CCDC201: variants seen among roughly 807,000 people sequenced by gnomAD.
CCDC201 encodes coiled-coil domain containing 201.
chr7:45,877,547 A>G (rs1216704874), upstream of CCDC201, among the ~76,000 whole-genome samples: 3 of 152,228 alleles, frequency 2.0e-5, no homozygotes, highest in Non-Finnish European at 1.5e-5. Context: ...TTACAATCAC[A>G]GCAGAAGGCA....
At chr7:45,881,443 C>T in the CCDC201 span, among the ~76,000 whole-genome samples, 21 of 152,324 alleles carry the variant, frequency 1.4e-4, no homozygotes, top group Middle Eastern at 3.4e-3. Context: ...TTCTCCTAGG[C>T]GGCTTGCCTA....
chr7:45,869,356 T>A (rs1368273781), intron 1 of CCDC201, among the ~76,000 whole-genome samples: 1 of 152,242 alleles, frequency 6.6e-6, no homozygotes, highest in African/African-American at 2.4e-5. Context: ...CAAACCCAGA[T>A]GGCTTATTGG....
At chr7:45,883,502 G>A in the CCDC201 span, among the ~76,000 whole-genome samples, 1 of 152,086 alleles carries the variant, frequency 6.6e-6, no homozygotes, top group East Asian at 1.9e-4. Flanking sequence ...GGCCAGAATG[G>A]TCCTCAACCT....
intron 1 of CCDC201, among the ~76,000 whole-genome samples, chr7:45,868,708 C>T (rs963793015): frequency 1.3e-5 from 2 of 152,182 alleles, no homozygotes; most frequent in Non-Finnish European, 2.9e-5. Flanking sequence ...ATGGTTTTTG[C>T]ATCCACTCTG....
At chr7:45,870,950 G>A (rs1395942050) in intron 1 of CCDC201, among the ~76,000 whole-genome samples, 1 of 152,014 alleles carries the variant, frequency 6.6e-6, no homozygotes, top group Admixed American at 6.6e-5. Flanking sequence ...AGACAGACTG[G>A]GACTTTTATC....
the CCDC201 span, among the ~76,000 whole-genome samples, chr7:45,880,593 C>T: frequency 6.6e-6 from 1 of 152,346 alleles, no homozygotes; most frequent in South Asian, 2.1e-4. Flanking sequence ...ACGTTATATG[C>T]AGGTGATGGT....
chr7:45,869,000 T>G lies in CCDC201; in HGVS notation c.19-2506A>C, dbSNP rs113946676. On this transcript the variant is annotated intron_variant, in intron 1 of 2. Transcript: ENST00000636578. ...CATTCCATATATAAAGGAAAAAACT[T>G]AGGTATCTGCATAAATGGAATCATA... Among the ~76,000 whole-genome samples, 508 of 152,304 alleles carry G rather than the reference T, an allele frequency of 3.3e-3. 5 individuals carry two copies. Among genetic ancestry groups the G allele is most frequent in the African/African-American group, 0.012 (479 of 41,566 alleles).
chr7:45,860,202 G>A (rs1429101666), exon 3 of CCDC201: 1 of 152,244 alleles, frequency 6.6e-6, no homozygotes, highest in Admixed American at 6.5e-5. Context: ...TCTTAAGCGT[G>A]GGGGAGATTA....
At chr7:45,861,310 T>A (rs1281108550) in exon 3 of CCDC201, 1 of 152,214 alleles carries the variant, frequency 6.6e-6, no homozygotes, top group Non-Finnish European at 1.5e-5. Context: ...AAAATAAACA[T>A]TTTTTAAATC....
the CCDC201 span, among the ~76,000 whole-genome samples, chr7:45,880,130 G>A: frequency 2.0e-5 from 3 of 152,132 alleles, no homozygotes; most frequent in Non-Finnish European, 4.4e-5. Context: ...ACATGATAAC[G>A]TCAACATATA....
At chr7:45,865,373 G>A (rs1562789469) in intron 2 of CCDC201, among the ~76,000 whole-genome samples, 1 of 152,210 alleles carries the variant, frequency 6.6e-6, no homozygotes, top group Non-Finnish European at 1.5e-5. Flanking sequence ...GCTGTGGCAA[G>A]GGCCTGCAAA....
At chr7:45,863,238 C>A (rs1786624864) in intron 2 of CCDC201, 67 bp from the exon 3 acceptor site, 1 of 152,298 alleles carries the variant, frequency 6.6e-6, no homozygotes, top group Admixed American at 6.5e-5. Flanking sequence ...TCTTCTGCTG[C>A]AAAATGTGCT....
intron 1 of CCDC201, among the ~76,000 whole-genome samples, chr7:45,868,827 A>T (rs1326299472): frequency 6.6e-6 from 1 of 152,226 alleles, no homozygotes; most frequent in East Asian, 1.9e-4. Context: ...AAAGTCAAAC[A>T]ATATAGAAAC....
In CCDC201 at chr7:45,860,358, T is replaced by A. The variant is rs187752571; in HGVS notation, c.*2727A>T. The A allele has an allele frequency of 1.7e-3, 258 of 152,458 alleles. 2 individuals are homozygous for A. The highest frequency in any genetic ancestry group is 4.4e-3 in the South Asian group (22 of 4,946). The allele number at this position is 152,458 out of a possible 1,614,324, so 9.4% of individuals were successfully genotyped here. ...TCTTCAGTTGCTTCAGGCTATCTGA[T>A]GTGTATGTGCATGTCACGGGATATG... On this transcript the variant is annotated 3_prime_UTR_variant, in exon 3 of 3. Transcript: ENST00000636578.
At chr7:45,861,110 C>G (rs1429631433) in exon 3 of CCDC201, 1 of 152,152 alleles carries the variant, frequency 6.6e-6, no homozygotes, top group African/African-American at 2.4e-5. Flanking sequence ...GAATTTCATT[C>G]TTTGAAAAAC....
rs1489441556 is a variant in CCDC201, at chr7:45,863,657, G to T, written c.478-486C>A. 1.2e-4 allele frequency among the ~76,000 whole-genome samples: 19 copies of T among 152,282 alleles called. No individual in the cohort carries two copies. In the South Asian group the frequency reaches 3.9e-3, roughly 32 times the overall value. On this transcript the variant is annotated intron_variant, in intron 2 of 2. Transcript: ENST00000636578. ...GGAAGACGAGGATGGGTAAACTCCTGACACTAAACACGATGCCAGGATGGA... is the reference window on the plus strand; with the variant it reads ...GGAAGACGAGGATGGGTAAACTCCTTACACTAAACACGATGCCAGGATGGA...
upstream of CCDC201, among the ~76,000 whole-genome samples, chr7:45,876,664 CTG>C (rs796830517): frequency 3.9e-5 from 6 of 152,322 alleles, no homozygotes; most frequent in African/African-American, 1.2e-4. Flanking sequence ...TTGTTTGTGT[CTG>C]TGAATAATAT....
intron 1 of CCDC201, among the ~76,000 whole-genome samples, chr7:45,870,344 T>C (rs142764732): frequency 1.3e-5 from 2 of 152,282 alleles, no homozygotes; most frequent in East Asian, 3.9e-4. Context: ...CCAAATATAT[T>C]TGTCATGTTA....
chr7:45,878,728 CT>C, the CCDC201 span, among the ~76,000 whole-genome samples: 1 of 152,256 alleles, frequency 6.6e-6, no homozygotes, highest in Non-Finnish European at 1.5e-5. Context: ...GGCTGCCCCC[CT>C]AGGTCTCTGA....
Sources: allele counts gnomAD v4.1 joint callset (sites outside exome capture counted in the v4.1 genomes callset), GRCh38; gene constraint gnomAD v4.1.1; transcripts MANE v1.5; gene names NCBI Gene and HGNC (gene_info 2026-07-23, HGNC 2026-07-21).